KCTD3: variants seen among roughly 807,000 people sequenced by gnomAD.
KCTD3 encodes potassium channel tetramerization domain containing 3.
A neutral mutation model predicts 85.8 loss-of-function variants in KCTD3; 41 were observed. That is an observed-to-expected ratio of 0.48 (90% confidence interval 0.37 to 0.62). The LOEUF (loss-of-function observed/expected upper bound fraction) is 0.62, where lower values mean the gene tolerates loss of function less well. Ranked by LOEUF, KCTD3 falls within the 20% of genes least tolerant of loss-of-function variation. The pLI is 0.00. For missense variants in KCTD3, 724 were observed against 989.9 expected (o/e 0.73, Z 3.60); for synonymous variants, 338 against 345.4 (o/e 0.98, Z 0.24).
chr1:215,614,260 T>G (rs1379265767), intron 15 of KCTD3, among the ~76,000 whole-genome samples: 4 of 152,038 alleles, frequency 2.6e-5, no homozygotes, highest in Non-Finnish European at 5.9e-5. Flanking sequence ...CTCGATCTCC[T>G]GACCTCATGA....
At chr1:215,608,536 A>G (rs1459062756) in intron 14 of KCTD3, among the ~76,000 whole-genome samples, 3 of 152,008 alleles carry the variant, frequency 2.0e-5, no homozygotes, top group African/African-American at 4.8e-5. Context: ...TTGAAGCTAG[A>G]AAAACGTTGG....
At chr1:215,590,200 A>G (rs1459114480) in intron 9 of KCTD3, among the ~76,000 whole-genome samples, 1 of 152,200 alleles carries the variant, frequency 6.6e-6, no homozygotes, top group African/African-American at 2.4e-5. Flanking sequence ...AATATTAAGC[A>G]TCGTTTCCTG....
rs902403204 is a variant in KCTD3 at position 215,614,816 on chromosome 1, A to G, written c.1562+2895A>G. Among the ~76,000 whole-genome samples, 3 of 152,304 alleles carry G rather than the reference A, an allele frequency of 2.0e-5. No homozygotes were observed. The East Asian group carries it at 5.8e-4, about 29-fold the overall frequency. Reference sequence around the variant, plus strand: ...AAAATTTTATGGCTGCATTTTCAACATATCTGTTAATATTTTGATGAATAA... The same window carrying G: ...AAAATTTTATGGCTGCATTTTCAACGTATCTGTTAATATTTTGATGAATAA... On this transcript the variant is annotated intron_variant, in intron 15 of 17. Coordinates refer to ENST00000259154, the MANE Select transcript of KCTD3 (RefSeq NM_016121.5).
At chr1:215,590,892 T>G (rs1660180734) in intron 9 of KCTD3, among the ~76,000 whole-genome samples, 1 of 152,224 alleles carries the variant, frequency 6.6e-6, no homozygotes, top group Admixed American at 6.5e-5. Context: ...TGTAGGGTTA[T>G]GAATTATGTT....
At chr1:215,572,591 A>G (rs936067924) in intron 1 of KCTD3, among the ~76,000 whole-genome samples, 19 of 152,186 alleles carry the variant, frequency 1.2e-4, no homozygotes, top group African/African-American at 4.1e-4. Context: ...GAGGTTTGTT[A>G]TGCTGCAGTG....
chr1:215,615,723 A>G (rs1039201479), intron 15 of KCTD3, among the ~76,000 whole-genome samples: 8 of 152,212 alleles, frequency 5.3e-5, no homozygotes, highest in Admixed American at 2.6e-4. Flanking sequence ...TTAACAAAAG[A>G]TAGGCTAGCA....
intron 9 of KCTD3, among the ~76,000 whole-genome samples, chr1:215,588,622 T>C (rs1346888744): frequency 6.6e-6 from 1 of 152,092 alleles, no homozygotes; most frequent in Admixed American, 6.5e-5. Context: ...ATGAAATTCA[T>C]ATAAGTTTTC....
At chr1:215,573,587 A>G (rs1659454500) in intron 1 of KCTD3, among the ~76,000 whole-genome samples, 199 bp from the exon 2 acceptor site, 1 of 152,170 alleles carries the variant, frequency 6.6e-6, no homozygotes, top group Admixed American at 6.5e-5. Context: ...GTTTATTGTT[A>G]TTGAGAGCTG....
At chr1:215,616,508 C>T (rs1440862617) in intron 15 of KCTD3, among the ~76,000 whole-genome samples, 1 of 152,114 alleles carries the variant, frequency 6.6e-6, no homozygotes, top group African/African-American at 2.4e-5. Flanking sequence ...CACCTGTAAT[C>T]CCAGCACTTT....
chr1:215,581,256 TAAAC>T (rs1659812384), intron 8 of KCTD3: 1 of 152,174 alleles, frequency 6.6e-6, no homozygotes, highest in African/African-American at 2.4e-5. Flanking sequence ...AATAAATAAA[TAAAC>T]AAATTTTTAA....
At chr1:215,601,731 A>G (rs1654844625) in intron 10 of KCTD3, 136 bp from the exon 11 acceptor site, 1 of 586,310 alleles carries the variant, frequency 1.7e-6, no homozygotes, top group African/African-American at 1.9e-5. Context: ...ACCTAAAGAA[A>G]GTTTATTTCC....
At position 215,573,776 on chromosome 1, in the gene KCTD3, T is replaced by C. The variant is rs373290742; in HGVS notation, c.84-10T>C. On this transcript the variant is annotated splice_polypyrimidine_tract_variant and intron_variant, in intron 1 of 17. Coordinates refer to ENST00000259154, the MANE Select transcript of KCTD3 (RefSeq NM_016121.5). Reference sequence around the variant, plus strand: ...TCTCACTTATAATACCAGATGATTTTTAATTGCAGATTTAGTACCTCAAGA... The same window carrying C: ...TCTCACTTATAATACCAGATGATTTCTAATTGCAGATTTAGTACCTCAAGA... 2 of 1,539,284 alleles carry C rather than the reference T, an allele frequency of 1.3e-6. No homozygotes were observed.
chr1:215,590,455 T>G (rs1660166143), intron 9 of KCTD3, among the ~76,000 whole-genome samples: 2 of 152,294 alleles, frequency 1.3e-5, no homozygotes, highest in South Asian at 4.1e-4. Context: ...ATCTCTCCCT[T>G]GCTCGCTCCC....
chr1:215,597,391 A>G (rs1358003285), intron 10 of KCTD3, among the ~76,000 whole-genome samples: 1 of 152,136 alleles, frequency 6.6e-6, no homozygotes, highest in East Asian at 1.9e-4. Flanking sequence ...CCTAATAGCA[A>G]TTTTTAGGCA....
At chr1:215,605,701 A>G (rs1348692075) in intron 13 of KCTD3, among the ~76,000 whole-genome samples, 1 of 152,162 alleles carries the variant, frequency 6.6e-6, no homozygotes, top group Non-Finnish European at 1.5e-5. Context: ...AGTATACAGT[A>G]TCACCATCTA....
At chr1:215,599,032 A>G (rs1571889205) in intron 10 of KCTD3, among the ~76,000 whole-genome samples, 1 of 152,206 alleles carries the variant, frequency 6.6e-6, no homozygotes, top group African/African-American at 2.4e-5. Context: ...GAATAGTGAC[A>G]GTTTGCCTGT....
intron 3 of KCTD3, 55 bp downstream of exon 3, chr1:215,574,173 T>G: frequency 9.7e-7 from 1 of 1,031,440 alleles, no homozygotes; most frequent in South Asian, 1.6e-5. Context: ...TAGTGCTTGG[T>G]CCTAACATAT....
intron 14 of KCTD3, among the ~76,000 whole-genome samples, chr1:215,609,071 G>C (rs1165927241): frequency 6.6e-6 from 1 of 151,988 alleles, no homozygotes; most frequent in African/African-American, 2.4e-5. Context: ...TTTGCTTAAA[G>C]GCATAGGTCA....
chr1:215,620,259 G>A lies in KCTD3; in HGVS notation c.2089G>A (p.Val697Met). Reference sequence around the variant, plus strand: ...TAACTTGGGTCCAATACAAGCTGAAGTGAAAGGGGCAACAGGGGAATGTAA... The same window carrying A: ...TAACTTGGGTCCAATACAAGCTGAAATGAAAGGGGCAACAGGGGAATGTAA... The part of the protein sequence containing the change: ...NGNLGPIQAE[V>M]KGATGECNIS... The change falls in exon 18 of 18, where the codon GTG becomes ATG. Residue 697 changes from valine (V) to methionine (M), a missense_variant. By Grantham distance (21) the Val-to-Met change is conservative. This residue lies in a region of KCTD3 where 222 missense variants were observed against 217.7 expected (regional missense o/e 1.02). Transcript: ENST00000259154. 1 of 1,613,938 alleles carries A rather than the reference G, an allele frequency of 6.2e-7. No homozygotes were observed. The highest frequency in any genetic ancestry group is 1.1e-5 in the South Asian group (1 of 91,078).
Sources: allele counts gnomAD v4.1 joint callset (sites outside exome capture counted in the v4.1 genomes callset), GRCh38; gene constraint gnomAD v4.1.1; regional missense constraint gnomAD v4.1.1; transcripts MANE v1.5; gene names NCBI Gene and HGNC (gene_info 2026-07-23, HGNC 2026-07-21).